The following SLC25A24 variants were observed in gnomAD, a reference collection of about 807,000 sequenced individuals.
SLC25A24 encodes the protein mitochondrial adenyl nucleotide antiporter SLC25A24.
In SLC25A24, 49 loss-of-function variants were observed where a neutral mutation model predicts 60.7. The ratio of observed to expected loss-of-function variants is 0.81; its 90% CI spans 0.64 to 1.02. The LOEUF is 1.02. Ranked by LOEUF, SLC25A24 falls within the 50% of genes least tolerant of loss-of-function variation. The probability of loss-of-function intolerance (pLI) is 0.00; values close to 1 mark genes in which losing one functional copy is unlikely to be tolerated. For synonymous variants in SLC25A24, 202 were observed against 200.6 expected (o/e 1.01, Z -0.06); for missense variants, 564 against 586.3 (o/e 0.96, Z 0.39).
intron 3 of SLC25A24, among the ~76,000 whole-genome samples, chr1:108,164,560 A>AT (rs1680188694): frequency 6.6e-6 from 1 of 150,876 alleles, no homozygotes; most frequent in African/African-American, 2.4e-5. Flanking sequence ...TTTCTTCTAG[A>AT]TTTTCTAGTT....
chr1:108,155,950 A>AACAC (rs58815373), intron 5 of SLC25A24, among the ~76,000 whole-genome samples: 3,905 of 149,202 alleles, frequency 0.026, 86 homozygotes, highest in African/African-American at 0.058. Flanking sequence ...ACTACCACTA[A>AACAC]ACACACACAC....
In SLC25A24 at chr1:108,185,911, T is replaced by C; in HGVS notation, c.227A>G (p.Asp76Gly). ...TGDVNKDGKLDFEEFMKYLKD... is the reference protein window; with the variant it reads ...TGDVNKDGKLGFEEFMKYLKD... ...AAGGTACTTCATAAATTCTTCAAAA[T>C]CCAGCTTCCCATCTTTGTTGACATC... is the stretch of plus-strand genomic sequence containing the variant. Residue 76 changes from aspartate to glycine, a missense_variant, in exon 2 of 10, where the codon GAT becomes GGT. Physicochemically the swap from Asp to Gly is moderately conservative, Grantham distance 94. Transcript: ENST00000565488. 1 of 1,599,080 alleles carries C rather than the reference T, an allele frequency of 6.3e-7. No individual in the cohort carries two copies. Among genetic ancestry groups the C allele is most frequent in the African/African-American group, 1.3e-5 (1 of 74,582 alleles).
At chr1:108,141,507 C>G (rs1487600110) in intron 8 of SLC25A24, among the ~76,000 whole-genome samples, 1 of 152,142 alleles carries the variant, frequency 6.6e-6, no homozygotes, top group Admixed American at 6.5e-5. Context: ...AGAAATTCCA[C>G]TTCTGAGTAT....
intron 2 of SLC25A24, among the ~76,000 whole-genome samples, chr1:108,183,641 C>T (rs1166772406): frequency 1.3e-5 from 2 of 152,296 alleles, no homozygotes; most frequent in East Asian, 3.9e-4. Flanking sequence ...TATATTTTCT[C>T]CATAAGGCAT....
intron 5 of SLC25A24, among the ~76,000 whole-genome samples, chr1:108,155,657 A>C (rs1679877941): frequency 6.6e-6 from 1 of 152,160 alleles, no homozygotes; most frequent in Non-Finnish European, 1.5e-5. Flanking sequence ...TGTGTATATC[A>C]GGGCTACCAA....
intron 6 of SLC25A24, among the ~76,000 whole-genome samples, chr1:108,153,088 C>G (rs920244756): frequency 6.6e-6 from 1 of 152,070 alleles, no homozygotes; most frequent in African/African-American, 2.4e-5. Context: ...ACAGGTAGAC[C>G]TACAGTGTTG....
intron 2 of SLC25A24, among the ~76,000 whole-genome samples, chr1:108,184,507 T>C (rs747270143): frequency 2.0e-4 from 30 of 152,246 alleles, no homozygotes; most frequent in Admixed American, 1.3e-4. Flanking sequence ...GAGTCACAGA[T>C]GTGAATAATC....
In SLC25A24 at chr1:108,155,158, A is replaced by G. The variant is rs762832650; in HGVS notation, c.670-23T>C. On this transcript the variant is annotated intron_variant, in intron 5 of 9. Transcript: ENST00000565488. ...AACCTAAAAATAAAAGCAGAATGAT[A>G]TAAAATGCTGGTGGCATATTACTAT... The G allele has an allele frequency of 1.0e-5, 16 of 1,600,462 alleles. 1 individual carries two copies. In the South Asian group the frequency reaches 1.8e-4, roughly 18 times the overall value.
chr1:108,141,887 T>C (rs1009849418), intron 8 of SLC25A24, among the ~76,000 whole-genome samples: 5 of 152,160 alleles, frequency 3.3e-5, no homozygotes, highest in Non-Finnish European at 7.4e-5. Context: ...TTAATGACTA[T>C]AGAGTTTAAG....
chr1:108,137,921 A>G (rs1679333070), intron 9 of SLC25A24, among the ~76,000 whole-genome samples: 1 of 152,206 alleles, frequency 6.6e-6, no homozygotes, highest in Admixed American at 6.5e-5. Flanking sequence ...TACAGCCATG[A>G]CTGTCTCTCA....
At chr1:108,195,638 C>T (rs909357834) in intron 1 of SLC25A24, among the ~76,000 whole-genome samples, 5 of 152,060 alleles carry the variant, frequency 3.3e-5, no homozygotes, top group African/African-American at 9.7e-5. Context: ...TAAAATTCAC[C>T]CTGTGATTTC....
intron 1 of SLC25A24, among the ~76,000 whole-genome samples, chr1:108,190,445 A>G (rs1648308409): frequency 6.6e-6 from 1 of 152,142 alleles, no homozygotes; most frequent in Admixed American, 6.5e-5. Context: ...ACTTCCTATA[A>G]GTCTGACATA....
chr1:108,189,169 G>GT (rs917067857), intron 1 of SLC25A24, among the ~76,000 whole-genome samples: 37 of 152,076 alleles, frequency 2.4e-4, no homozygotes, highest in African/African-American at 8.4e-4. Context: ...TTTTTGAACA[G>GT]TTTTTTTTAA....
chr1:108,141,121 C>T (rs1009959143), intron 8 of SLC25A24, among the ~76,000 whole-genome samples: 1 of 151,842 alleles, frequency 6.6e-6, no homozygotes, highest in Admixed American at 6.6e-5. Flanking sequence ...AACGGGAACC[C>T]AAAGAGAAAA....
chr1:108,162,776 T>C (rs1332409727), intron 3 of SLC25A24, among the ~76,000 whole-genome samples: 1 of 151,888 alleles, frequency 6.6e-6, no homozygotes, highest in Admixed American at 6.6e-5. Context: ...TTTCTTTTGC[T>C]GTGCAGAAGC....
Position 108,136,555 on chromosome 1 carries a change from G to A in SLC25A24, c.*98C>T. ...TCTTCCCTTTTGTGAAAAAAATGCA[G>A]CTTCTTTTGCCATAGACTTGTTTCA... is the stretch of plus-strand genomic sequence containing the variant. On this transcript the variant is annotated 3_prime_UTR_variant, in exon 10 of 10. Coordinates refer to ENST00000565488, the MANE Select transcript of SLC25A24 (RefSeq NM_013386.5). 1 of 1,054,958 alleles carries A rather than the reference G, an allele frequency of 9.5e-7. No individual in the cohort carries two copies. Among genetic ancestry groups the A allele is most frequent in the Non-Finnish European group, 1.4e-6 (1 of 719,794 alleles). 65.3% of individuals were successfully genotyped at this position (1,054,958 alleles called of 1,614,324 possible).
At chr1:108,187,927 G>GATAGATAGATAGATAGATAGATATAT in intron 1 of SLC25A24, among the ~76,000 whole-genome samples, 1 of 95,748 alleles carries the variant, frequency 1.0e-5, no homozygotes, top group East Asian at 3.6e-4. Context: ...AGACATTATA[G>GATAGATAGATAGATAGATAGATATAT]ATATATATAT....
chr1:108,143,778 T>C (rs757481995), intron 7 of SLC25A24, 68 bp from the exon 8 acceptor site: 5 of 1,205,892 alleles, frequency 4.1e-6, no homozygotes, highest in African/African-American at 1.5e-5. Flanking sequence ...TCAAATGAAG[T>C]AATTTTACAT....
At chr1:108,169,222 C>A (rs754601526) in intron 3 of SLC25A24, among the ~76,000 whole-genome samples, 2 of 152,094 alleles carry the variant, frequency 1.3e-5, no homozygotes, top group African/African-American at 4.8e-5. Flanking sequence ...TAATAACAAC[C>A]CTTGGTATCT....
Sources: gnomAD v4.1 joint callset for allele counts (sites outside exome capture counted in the v4.1 genomes callset) on GRCh38, gnomAD v4.1.1 for gene constraint, MANE v1.5 for transcripts, NCBI Gene and HGNC (gene_info 2026-07-23, HGNC 2026-07-21) for gene names.